The following FAF1 variants were observed in gnomAD, a reference collection of about 807,000 sequenced individuals.
FAF1 encodes FAS-associated factor 1.
In FAF1, 25 loss-of-function variants were observed where a neutral mutation model predicts 92.5. The observed-to-expected ratio is 0.27, with a 90% CI of 0.20 to 0.38. The LOEUF (loss-of-function observed/expected upper bound fraction) is 0.38. Among genes scored for constraint, FAF1 ranks in the 10% least tolerant of loss-of-function variants. The pLI is 1.00. For synonymous variants in FAF1, 234 were observed against 273.2 expected (o/e 0.86, Z 1.42); for missense variants, 636 against 793.3 (o/e 0.80, Z 2.38).
chr1:50,548,813 T>C (rs1033831545), intron 13 of FAF1, among the ~76,000 whole-genome samples: 1 of 152,270 alleles, frequency 6.6e-6, no homozygotes, highest in African/African-American at 2.4e-5. Context: ...GCAAGCAGCA[T>C]AGTATTGTGG....
intron 13 of FAF1, among the ~76,000 whole-genome samples, chr1:50,546,771 C>T (rs1045619522): frequency 2.0e-5 from 3 of 152,088 alleles, no homozygotes; most frequent in Admixed American, 2.0e-4. Flanking sequence ...TTATTACATA[C>T]CTTTTTATGC....
In FAF1 at chr1:50,950,213, A is replaced by G. The variant is rs111566559; in HGVS notation, c.45+9554T>C. On this transcript the variant is annotated intron_variant, in intron 1 of 18. Transcript: ENST00000396153. The stretch of plus-strand genomic sequence containing the variant: ...TGACTTTCTCAAAGAACCACAGCTA[A>G]GAAAACCTAAAACAAAACAAAAAGA... 2.3e-3 allele frequency among the ~76,000 whole-genome samples: 344 copies of G among 152,306 alleles called. 3 individuals are homozygous for G. Among genetic ancestry groups the G allele is most frequent in the South Asian group, 0.015 (70 of 4,824 alleles).
chr1:50,715,215 A>G (rs778223723), intron 6 of FAF1, among the ~76,000 whole-genome samples: 1 of 152,246 alleles, frequency 6.6e-6, no homozygotes, highest in Non-Finnish European at 1.5e-5. Flanking sequence ...GAAAGTTAAC[A>G]TTATTAAGCA....
At chr1:50,458,502 A>G (rs1252248765) in intron 18 of FAF1, among the ~76,000 whole-genome samples, 4 of 152,192 alleles carry the variant, frequency 2.6e-5, no homozygotes, top group African/African-American at 9.7e-5. Context: ...CCACCATTCC[A>G]AGTCCTCTGT....
chr1:50,756,846 A>T (rs1398530185), intron 4 of FAF1, among the ~76,000 whole-genome samples: 1 of 152,186 alleles, frequency 6.6e-6, no homozygotes, highest in Non-Finnish European at 1.5e-5. Flanking sequence ...CACTATCACG[A>T]GAACAGCATG....
intron 15 of FAF1, among the ~76,000 whole-genome samples, chr1:50,504,263 T>C (rs1485155994): frequency 6.6e-6 from 1 of 152,092 alleles, no homozygotes; most frequent in Admixed American, 6.6e-5. Flanking sequence ...AATATGCATC[T>C]ACTAGGAAGC....
chr1:50,698,880 T>G (rs1657344862), intron 7 of FAF1, among the ~76,000 whole-genome samples: 1 of 152,086 alleles, frequency 6.6e-6, no homozygotes. Context: ...GCTTGTGCAT[T>G]TCTGTGTTTT....
Position 50,921,087 on chromosome 1 carries a change from T to C in FAF1, c.45+38680A>G, listed in dbSNP as rs554117724. 2.0e-5 allele frequency among the ~76,000 whole-genome samples: 3 copies of C among 152,332 alleles called. No homozygotes were observed. In the South Asian group the frequency reaches 6.2e-4, roughly 32 times the overall value. ...TGTATACAGTAACAAAATACATCTA[T>C]GACAAAAGCCCACTGTGTCCCCCAA... is the stretch of plus-strand genomic sequence containing the variant. On this transcript the variant is annotated intron_variant, in intron 1 of 18. Transcript: ENST00000396153.
At chr1:50,779,335 G>A (rs558396999) in intron 4 of FAF1, among the ~76,000 whole-genome samples, 43 of 152,254 alleles carry the variant, frequency 2.8e-4, no homozygotes, top group African/African-American at 1.0e-3. Flanking sequence ...TGGTATCTTA[G>A]AATGGTGAGT....
chr1:50,952,637 G>A (rs1271341216), intron 1 of FAF1, among the ~76,000 whole-genome samples: 23 of 151,724 alleles, frequency 1.5e-4, no homozygotes, highest in African/African-American at 5.3e-4. Context: ...GCCTCTTCCC[G>A]GCCGCCATCC....
chr1:50,486,641 T>C (rs115869376), intron 17 of FAF1, among the ~76,000 whole-genome samples: 126 of 152,302 alleles, frequency 8.3e-4, no homozygotes, highest in Non-Finnish European at 1.2e-3. Flanking sequence ...TTATAATGTA[T>C]GGTATCTTTT....
intron 6 of FAF1, among the ~76,000 whole-genome samples, chr1:50,710,124 T>C (rs1441099886): frequency 6.6e-6 from 1 of 152,166 alleles, no homozygotes; most frequent in Non-Finnish European, 1.5e-5. Flanking sequence ...GAAGTCTTGA[T>C]TGTTATATAG....
chr1:50,745,511 T>C (rs991058584), intron 4 of FAF1, among the ~76,000 whole-genome samples: 2 of 152,090 alleles, frequency 1.3e-5, no homozygotes, highest in Non-Finnish European at 2.9e-5. Context: ...GACTGGATCA[T>C]AGGGGGCTGA....
intron 13 of FAF1, among the ~76,000 whole-genome samples, chr1:50,546,594 G>A (rs1649030276): frequency 6.6e-6 from 1 of 152,048 alleles, no homozygotes; most frequent in South Asian, 2.1e-4. Flanking sequence ...TCGAACTCCT[G>A]GCCTTGTGAT....
intron 1 of FAF1, among the ~76,000 whole-genome samples, chr1:50,942,831 T>C (rs1200644519): frequency 6.6e-6 from 1 of 150,946 alleles, no homozygotes; most frequent in Non-Finnish European, 1.5e-5. Context: ...GAGTGGGCCA[T>C]ACATCATGGA....
At chr1:50,825,002 C>G (rs1644082622) in intron 2 of FAF1, among the ~76,000 whole-genome samples, 1 of 151,996 alleles carries the variant, frequency 6.6e-6, no homozygotes, top group Non-Finnish European at 1.5e-5. Context: ...TATAAAAATA[C>G]AGTTAGACAG....
chr1:50,839,663 G>A (rs778885023), intron 2 of FAF1, among the ~76,000 whole-genome samples: 3 of 152,044 alleles, frequency 2.0e-5, no homozygotes, highest in Non-Finnish European at 2.9e-5. Flanking sequence ...GATGGCTAAC[G>A]AACCTGTTTA....
intron 1 of FAF1, among the ~76,000 whole-genome samples, chr1:50,932,853 G>A (rs1040952188): frequency 6.6e-6 from 1 of 152,204 alleles, no homozygotes; most frequent in Non-Finnish European, 1.5e-5. Context: ...TGAAATCGAG[G>A]CAGAAGTTCT....
intron 6 of FAF1, among the ~76,000 whole-genome samples, chr1:50,721,035 CTT>C (rs753875478): frequency 2.9e-4 from 44 of 152,254 alleles, no homozygotes; most frequent in Non-Finnish European, 5.6e-4. Context: ...ATGTTTTCCT[CTT>C]GTTAATCTGT....
Sources: allele counts gnomAD v4.1 joint callset (sites outside exome capture counted in the v4.1 genomes callset), GRCh38; gene constraint gnomAD v4.1.1; transcripts MANE v1.5; gene names NCBI Gene and HGNC (gene_info 2026-07-23, HGNC 2026-07-21).